Variants in DEFB119 observed in about 807,000 individuals in gnomAD.
DEFB119 encodes the protein beta-defensin 119.
DEFB119 carries 3 observed loss-of-function variants against 2.5 expected under a neutral mutation model. That is an observed-to-expected ratio of 1.19 (90% CI 0.54 to 3.07). The LOEUF is 3.07. Among genes scored for constraint, DEFB119 ranks in the 30% most tolerant of loss-of-function variants. The pLI, the probability that DEFB119 is intolerant of heterozygous loss-of-function variation, is 0.03. For synonymous variants in DEFB119, 29 were observed against 33.7 expected, an observed-to-expected ratio of 0.86 and a Z score of 0.48; for missense variants, 113 against 101.1, an observed-to-expected ratio of 1.12 and a Z score of -0.50.
chr20:31,378,469 T>A, intron 1 of DEFB119: 1 of 1,594,620 alleles, frequency 6.3e-7, no homozygotes. Context: ...ATCAAAAACA[T>A]CCGCGTTCCA....
intron 1 of DEFB119, among the ~76,000 whole-genome samples, chr20:31,382,075 A>G (rs534600759): frequency 5.9e-5 from 9 of 152,320 alleles, no homozygotes; most frequent in African/African-American, 2.2e-4. Flanking sequence ...ACATCTACAC[A>G]TGATGAAATG....
intron 1 of DEFB119, chr20:31,389,370 G>A: frequency 9.1e-7 from 1 of 1,099,506 alleles, no homozygotes; most frequent in Non-Finnish European, 1.3e-6. Flanking sequence ...CCAGTCCCAG[G>A]AAAAGAGAGA....
chr20:31,379,647 C>A (rs1360216768), intron 1 of DEFB119, among the ~76,000 whole-genome samples: 1 of 141,950 alleles, frequency 7.0e-6, no homozygotes, highest in African/African-American at 2.7e-5. Flanking sequence ...GTGCATGCCA[C>A]CACACCCAAC....
intron 1 of DEFB119, among the ~76,000 whole-genome samples, chr20:31,386,375 A>C (rs1226261198): frequency 1.3e-5 from 2 of 152,156 alleles, no homozygotes; most frequent in Non-Finnish European, 2.9e-5. Context: ...AAGATTATGC[A>C]GCTCCTGCCT....
chr20:31,377,588 A>G, intron 1 of DEFB119, 149 bp from the exon 2 acceptor site: 1 of 932,122 alleles, frequency 1.1e-6, no homozygotes. Context: ...AAAAAGAGTC[A>G]ATGTCTTTTT....
intron 1 of DEFB119, among the ~76,000 whole-genome samples, chr20:31,383,140 T>G (rs1036358939): frequency 8.5e-5 from 13 of 152,184 alleles, no homozygotes; most frequent in African/African-American, 2.9e-4. Flanking sequence ...AAATCTCGTC[T>G]TAAATTGTAG....
chr20:31,390,361 G>A, intron 1 of DEFB119, 62 bp downstream of exon 1: 1 of 1,489,420 alleles, frequency 6.7e-7, no homozygotes, highest in Non-Finnish European at 9.4e-7. Flanking sequence ...ACAGTGAGAG[G>A]GAAGGGAAAG....
intron 1 of DEFB119, among the ~76,000 whole-genome samples, chr20:31,389,433 G>A (rs933420497): frequency 2.0e-5 from 3 of 152,096 alleles, no homozygotes; most frequent in Admixed American, 1.3e-4. Flanking sequence ...TGAGAGCTCC[G>A]AAGTTTTTGG....
rs534316555 is a variant in DEFB119 at position 31,380,439 on chromosome 20, T to C, written c.62-3000A>G. Among the ~76,000 whole-genome samples, 15 of 152,184 alleles carry C rather than the reference T, an allele frequency of 9.9e-5. 2 individuals carry two copies. In the South Asian group the frequency reaches 2.3e-3, roughly 23 times the overall value. Reference sequence around the variant, plus strand: ...AGTCACCACACTCAGCTAATTTATTTTATTTTTGTAGAGATGGGATCTTGC... The same window carrying C: ...AGTCACCACACTCAGCTAATTTATTCTATTTTTGTAGAGATGGGATCTTGC... On this transcript the variant is annotated intron_variant, in intron 1 of 1. Transcript: ENST00000376321.
intron 1 of DEFB119, among the ~76,000 whole-genome samples, chr20:31,384,460 T>TA (rs1025423712): frequency 5.9e-5 from 9 of 151,626 alleles, no homozygotes; most frequent in African/African-American, 1.7e-4. Flanking sequence ...ACTTTTAAGA[T>TA]AAAAAAAATT....
chr20:31,378,259 A>G (rs1297575768), intron 1 of DEFB119: 1 of 1,585,340 alleles, frequency 6.3e-7, no homozygotes, highest in Non-Finnish European at 8.6e-7. Context: ...CCACTCCCTG[A>G]GATGTGACTT....
chr20:31,390,388 C>A, intron 1 of DEFB119, 35 bp downstream of exon 1: 6 of 1,596,990 alleles, frequency 3.8e-6, no homozygotes, highest in Non-Finnish European at 5.1e-6. Flanking sequence ...AGCCCATGAC[C>A]AGGAACCCAG....
intron 1 of DEFB119, chr20:31,388,194 A>T: frequency 1.0e-6 from 1 of 983,734 alleles, no homozygotes; most frequent in Non-Finnish European, 1.2e-6. Context: ...CAGCTAAAGT[A>T]CCAATTCAAA....
At position 31,390,533 on chromosome 20, in the gene DEFB119, T is replaced by A; in HGVS notation, c.-50A>T. 8 of 1,576,608 alleles carry A rather than the reference T, an allele frequency of 5.1e-6. No homozygotes were observed. The highest frequency in any genetic ancestry group is 7.0e-6 in the Non-Finnish European group (8 of 1,150,164). ...GTGGCTGAGCTGCAGGGGAAGGAAA[T>A]AGGGTTCCCTGCAGCACGGCAGAGA... On this transcript the variant is annotated 5_prime_UTR_variant, in exon 1 of 2. Coordinates refer to ENST00000376321, the MANE Select transcript of DEFB119 (RefSeq NM_153289.4).
At chr20:31,386,440 G>C (rs966510292) in intron 1 of DEFB119, among the ~76,000 whole-genome samples, 1 of 152,094 alleles carries the variant, frequency 6.6e-6, no homozygotes, top group Non-Finnish European at 1.5e-5. Flanking sequence ...ACAGATGAAC[G>C]GATAAAGAAA....
chr20:31,384,398 G>A (rs1294090542), intron 1 of DEFB119, among the ~76,000 whole-genome samples: 6 of 152,042 alleles, frequency 3.9e-5, no homozygotes, highest in African/African-American at 1.4e-4. Flanking sequence ...TATTTCATGT[G>A]CCCCGTAAAT....
chr20:31,384,385 A>G (rs1348278034), intron 1 of DEFB119, among the ~76,000 whole-genome samples: 1 of 152,222 alleles, frequency 6.6e-6, no homozygotes, highest in African/African-American at 2.4e-5. Context: ...TCCTGTATCA[A>G]ACTATTTCAT....
chr20:31,385,891 A>G (rs1986682725), intron 1 of DEFB119, among the ~76,000 whole-genome samples: 1 of 151,800 alleles, frequency 6.6e-6, no homozygotes, highest in Non-Finnish European at 1.5e-5. Flanking sequence ...AGAGAGACAG[A>G]TAGTGAGACA....
At position 31,386,875 on chromosome 20, in the gene DEFB119, G is replaced by A. The variant is rs373200999; in HGVS notation, c.61+3548C>T. Reference sequence around the variant, plus strand: ...GTCGCCCAGGCTGGAGTGCAGTGGCGGGATCTCGGCTCACTGCAAGCTCCG... The same window carrying A: ...GTCGCCCAGGCTGGAGTGCAGTGGCAGGATCTCGGCTCACTGCAAGCTCCG... On this transcript the variant is annotated intron_variant, in intron 1 of 1. Coordinates refer to ENST00000376321, the MANE Select transcript of DEFB119 (RefSeq NM_153289.4). 3.4e-3 allele frequency among the ~76,000 whole-genome samples: 495 copies of A among 146,424 alleles called. 1 individual carries two copies. Among genetic ancestry groups the A allele is most frequent in the African/African-American group, 0.012 (451 of 38,974 alleles).
Sources: gnomAD v4.1 joint callset for allele counts (sites outside exome capture counted in the v4.1 genomes callset) on GRCh38, gnomAD v4.1.1 for gene constraint, MANE v1.5 for transcripts, NCBI Gene and HGNC (gene_info 2026-07-23, HGNC 2026-07-21) for gene names.